OR10J1: variants seen among roughly 807,000 people sequenced by gnomAD.
The protein encoded by OR10J1 is olfactory receptor 10J1.
For missense variants in OR10J1, 474 were observed against 376.6 expected, an observed-to-expected ratio of 1.26 and a Z score of -2.14; for synonymous variants, 202 against 143.8, an observed-to-expected ratio of 1.40 and a Z score of -2.89.
upstream of OR10J1, among the ~76,000 whole-genome samples, chr1:159,436,144 C>T (rs1419913540): frequency 6.6e-6 from 1 of 151,802 alleles, no homozygotes; most frequent in Non-Finnish European, 1.5e-5. Flanking sequence ...CTAATTTGTC[C>T]CAAAGCAATA....
At chr1:159,438,109 T>G (rs1655792223), upstream of OR10J1, 1 of 152,206 alleles carries the variant, frequency 6.6e-6, no homozygotes, top group Admixed American at 6.5e-5. Flanking sequence ...TTTAATTTAT[T>G]GTAGTATTTC....
At chr1:159,406,221 A>G in the OR10J1 span, 1 of 527,916 alleles carries the variant, frequency 1.9e-6, no homozygotes, top group Non-Finnish European at 3.9e-6. Context: ...CCAGGCGAGT[A>G]ATGGTCACAA....
chr1:159,401,349 G>T, the OR10J1 span, among the ~76,000 whole-genome samples: 1 of 151,686 alleles, frequency 6.6e-6, no homozygotes. Flanking sequence ...TTGACAAACC[G>T]TTAGCCAGAC....
chr1:159,439,753 A>T lies in OR10J1; in HGVS notation c.-39A>T, dbSNP rs1423292652. The T allele has an allele frequency of 4.3e-6, 7 of 1,612,122 alleles. No individual in the cohort carries two copies. The highest frequency in any genetic ancestry group is 5.9e-6 in the Non-Finnish European group (7 of 1,178,562). Reference sequence around the variant, plus strand: ...TCTACTGCTTTACTGGGACTATGTGACTTTTATGCTTTTATGTTTCAGATT... The same window carrying T: ...TCTACTGCTTTACTGGGACTATGTGTCTTTTATGCTTTTATGTTTCAGATT... On this transcript the variant is annotated 5_prime_UTR_variant, in exon 1 of 1. An upstream open reading frame in the 5' UTR loses its in-frame stop. Coordinates refer to ENST00000423932, the MANE Select transcript of OR10J1 (RefSeq NM_012351.3).
At chr1:159,418,896 A>G in the OR10J1 span, among the ~76,000 whole-genome samples, 1 of 152,202 alleles carries the variant, frequency 6.6e-6, no homozygotes, top group Non-Finnish European at 1.5e-5. Context: ...CCTGGATGTG[A>G]GACATTGAGT....
the OR10J1 span, among the ~76,000 whole-genome samples, chr1:159,414,013 A>C: frequency 6.6e-6 from 1 of 151,962 alleles, no homozygotes. Flanking sequence ...AGTATTTGTT[A>C]CATGCAGTGA....
the OR10J1 span, among the ~76,000 whole-genome samples, chr1:159,423,977 G>A: frequency 6.6e-6 from 1 of 152,120 alleles, no homozygotes; most frequent in Non-Finnish European, 1.5e-5. Flanking sequence ...AGCAGTTTGG[G>A]AGGCTGAGGC....
At chr1:159,416,733 C>G in the OR10J1 span, among the ~76,000 whole-genome samples, 1 of 151,698 alleles carries the variant, frequency 6.6e-6, no homozygotes, top group African/African-American at 2.4e-5. Context: ...GTTAGGAGGC[C>G]TGTTATTGTT....
the OR10J1 span, among the ~76,000 whole-genome samples, chr1:159,408,094 A>G: frequency 6.6e-6 from 1 of 152,062 alleles, no homozygotes; most frequent in East Asian, 1.9e-4. Flanking sequence ...TGTTGCAGGC[A>G]GCATCAAGTA....
the OR10J1 span, among the ~76,000 whole-genome samples, chr1:159,404,306 A>G: frequency 6.6e-6 from 1 of 152,160 alleles, no homozygotes; most frequent in Non-Finnish European, 1.5e-5. Context: ...CCAGCAATAG[A>G]ATTTAATGTC....
chr1:159,428,171 T>A, the OR10J1 span, among the ~76,000 whole-genome samples: 1 of 152,114 alleles, frequency 6.6e-6, no homozygotes, highest in African/African-American at 2.4e-5. Flanking sequence ...TTATATTTCA[T>A]AACCAAATGC....
the OR10J1 span, among the ~76,000 whole-genome samples, chr1:159,412,327 G>A: frequency 7.3e-5 from 11 of 150,924 alleles, no homozygotes; most frequent in African/African-American, 2.7e-4. Context: ...CACAGAATTG[G>A]AAAAAACTAC....
At chr1:159,400,801 A>G in the OR10J1 span, among the ~76,000 whole-genome samples, 107 of 152,010 alleles carry the variant, frequency 7.0e-4, 1 homozygote, top group Middle Eastern at 3.4e-3. Context: ...ATTTCATACA[A>G]GAGCTGCAGA....
the OR10J1 span, among the ~76,000 whole-genome samples, chr1:159,427,968 A>C: frequency 6.6e-6 from 1 of 152,318 alleles, no homozygotes; most frequent in South Asian, 2.1e-4. Flanking sequence ...CAATGAATGC[A>C]GAAAAGAAAC....
chr1:159,414,438 C>G, the OR10J1 span, among the ~76,000 whole-genome samples: 2 of 152,214 alleles, frequency 1.3e-5, no homozygotes, highest in African/African-American at 4.8e-5. Flanking sequence ...TTTTTATGGT[C>G]AAACAGTATT....
At chr1:159,409,505 A>T in the OR10J1 span, among the ~76,000 whole-genome samples, 1 of 152,026 alleles carries the variant, frequency 6.6e-6, no homozygotes, top group Non-Finnish European at 1.5e-5. Context: ...TCTCACTGAG[A>T]CTTACCTGCC....
the OR10J1 span, among the ~76,000 whole-genome samples, chr1:159,417,080 T>A: frequency 6.6e-6 from 1 of 152,114 alleles, no homozygotes; most frequent in Non-Finnish European, 1.5e-5. Flanking sequence ...TAGTTCTGCT[T>A]TGATCTTTAT....
chr1:159,414,640 AT>A, the OR10J1 span, among the ~76,000 whole-genome samples: 1 of 152,098 alleles, frequency 6.6e-6, no homozygotes, highest in African/African-American at 2.4e-5. Flanking sequence ...TGGTAGTTCT[AT>A]TTTTAGCTTT....
At chr1:159,433,451 G>T (rs762969755), upstream of OR10J1, among the ~76,000 whole-genome samples, 4 of 152,128 alleles carry the variant, frequency 2.6e-5, no homozygotes, top group Non-Finnish European at 5.9e-5. Flanking sequence ...TTGTAAACCA[G>T]CAGGGAGAAT....
Sources: gnomAD v4.1 joint callset for allele counts (sites outside exome capture counted in the v4.1 genomes callset) on GRCh38, gnomAD v4.1.1 for gene constraint, MANE v1.5 for transcripts, NCBI Gene and HGNC (gene_info 2026-07-23, HGNC 2026-07-21) for gene names.